RPTOR: variants seen among roughly 807,000 people sequenced by gnomAD.
RPTOR encodes regulatory-associated protein of mTOR.
In RPTOR, 21 loss-of-function variants were observed where a neutral mutation model predicts 169.9. That is an observed-to-expected ratio of 0.12 (90% confidence interval 0.09 to 0.18). RPTOR has a LOEUF of 0.18. Ranked by LOEUF, RPTOR falls within the 10% of genes least tolerant of loss-of-function variation. The pLI, the probability that RPTOR is intolerant of heterozygous loss-of-function variation, is 1.00. For missense variants in RPTOR, 1,133 were observed against 1,855.9 expected (o/e 0.61, Z 7.16); for synonymous variants, 732 against 753.2 (o/e 0.97, Z 0.46).
At chr17:80,751,900 C>T (rs574847735) in intron 5 of RPTOR, among the ~76,000 whole-genome samples, 2 of 152,326 alleles carry the variant, frequency 1.3e-5, no homozygotes, top group East Asian at 3.9e-4. Flanking sequence ...CATTCTGTAC[C>T]TTGTTGTTCC....
In RPTOR at chr17:80,964,342, G is replaced by T; in HGVS notation, c.*12G>T. 6.2e-7 allele frequency: 1 copy of T among 1,604,828 alleles called. No individual in the cohort carries two copies. The highest frequency in any genetic ancestry group is 1.1e-5 in the South Asian group (1 of 91,084). ...AGCGTGTCAGATAGCGGCGTGACCCGGGCCCACCAGGCCACGGCCGCCTGC... is the reference window on the plus strand; with the variant it reads ...AGCGTGTCAGATAGCGGCGTGACCCTGGCCCACCAGGCCACGGCCGCCTGC... On this transcript the variant is annotated 3_prime_UTR_variant, in exon 34 of 34. Coordinates refer to ENST00000306801, the MANE Select transcript of RPTOR (RefSeq NM_020761.3).
At chr17:80,620,772 C>G (rs764257353) in intron 1 of RPTOR, among the ~76,000 whole-genome samples, 2 of 152,260 alleles carry the variant, frequency 1.3e-5, no homozygotes, top group South Asian at 2.1e-4. Context: ...TTTCAAAAAA[C>G]AAAACAAAAA....
chr17:80,808,004 A>T (rs2672887), intron 7 of RPTOR, among the ~76,000 whole-genome samples: 72,803 of 151,880 alleles, frequency 0.48, 17,809 homozygotes, highest in African/African-American at 0.55. Context: ...CCTGCTAAAA[A>T]CTAATCTAAG....
chr17:80,859,224 C>T (rs893430563), intron 13 of RPTOR, among the ~76,000 whole-genome samples: 1 of 152,090 alleles, frequency 6.6e-6, no homozygotes, highest in African/African-American at 2.4e-5. Flanking sequence ...GCGAGACCCT[C>T]GAAGGAAAAT....
intron 6 of RPTOR, among the ~76,000 whole-genome samples, chr17:80,761,373 T>G (rs976590809): frequency 6.6e-6 from 1 of 152,220 alleles, no homozygotes; most frequent in Non-Finnish European, 1.5e-5. Flanking sequence ...CTTCCTTTCT[T>G]TCAATTAAGT....
At chr17:80,634,182 CGCATACTGTGT>C (rs2065465306) in intron 2 of RPTOR, among the ~76,000 whole-genome samples, 1 of 103,066 alleles carries the variant, frequency 9.7e-6, no homozygotes, top group Non-Finnish European at 1.8e-5. Flanking sequence ...TGTGTGTGTG[CGCATACTGTGT>C]GTGCATACTG....
intron 27 of RPTOR, among the ~76,000 whole-genome samples, chr17:80,948,390 G>A (rs1332406181): frequency 6.6e-6 from 1 of 152,278 alleles, no homozygotes; most frequent in Non-Finnish European, 1.5e-5. Context: ...CCCTGTAGCT[G>A]TCAGACGTGA....
chr17:80,901,211 C>T (rs1295688980), intron 20 of RPTOR, among the ~76,000 whole-genome samples: 2 of 152,040 alleles, frequency 1.3e-5, no homozygotes, highest in Non-Finnish European at 2.9e-5. Flanking sequence ...CGAAGAATCG[C>T]AGTTTCATTT....
chr17:80,734,796 T>A (rs113893977), intron 5 of RPTOR, among the ~76,000 whole-genome samples: 1 of 152,276 alleles, frequency 6.6e-6, no homozygotes, highest in Non-Finnish European at 1.5e-5. Flanking sequence ...TAACTGTGGC[T>A]CCAAGACATT....
chr17:80,919,155 T>A (rs1567986630), intron 21 of RPTOR, among the ~76,000 whole-genome samples: 1 of 152,228 alleles, frequency 6.6e-6, no homozygotes, highest in Non-Finnish European at 1.5e-5. Flanking sequence ...GTCACCACGT[T>A]GCTTTAATGG....
At chr17:80,961,029 C>T (rs1309090831) in intron 30 of RPTOR, 1 of 302,070 alleles carries the variant, frequency 3.3e-6, no homozygotes, top group Non-Finnish European at 6.2e-6. Flanking sequence ...ATCGGGGAGA[C>T]ACAATGAGGA....
chr17:80,940,902 G>A (rs750636512), intron 25 of RPTOR, among the ~76,000 whole-genome samples: 8 of 152,214 alleles, frequency 5.3e-5, no homozygotes, highest in Non-Finnish European at 1.0e-4. Flanking sequence ...CTCTGCAAGG[G>A]CAGCCCTCAG....
chr17:80,949,479 A>G lies in RPTOR; in HGVS notation c.3302A>G (p.Asp1101Gly), dbSNP rs1435329516. 1 of 1,613,994 alleles carries G rather than the reference A, an allele frequency of 6.2e-7. No homozygotes were observed. The highest frequency in any genetic ancestry group is 8.5e-7 in the Non-Finnish European group (1 of 1,180,010). ...ATCAGGGTCTGGAAGAATTTTGCTG[A>G]TTTGGAAAAGAACCCAGAGATGGTG... ...GAIRVWKNFA[D>G]LEKNPEMVTA... Residue 1101 changes from aspartate to glycine, a missense_variant, in exon 28 of 34, where the codon GAT becomes GGT. Coordinates refer to ENST00000306801, the MANE Select transcript of RPTOR (RefSeq NM_020761.3).
At chr17:80,596,035 C>A (rs898961253) in intron 1 of RPTOR, among the ~76,000 whole-genome samples, 6 of 152,168 alleles carry the variant, frequency 3.9e-5, no homozygotes, top group Non-Finnish European at 7.3e-5. Flanking sequence ...GGGAGATGAG[C>A]CGTCCTAGAT....
rs1221032561 is a variant in RPTOR at position 80,609,744 on chromosome 17, CAA to C, written c.163-15934_163-15933del. On this transcript the variant is annotated intron_variant, in intron 1 of 33. Transcript: ENST00000306801. This position sits in a 1 kb window ranked among gnomAD's most constrained non-coding sequence, Gnocchi z 4.8. ...TGGGCGACAGAGCGAGATTCTGTCT[CAA>C]AAAAAAAAAAAAGTTTAAGGTGTTG... 2.6e-5 allele frequency among the ~76,000 whole-genome samples: 3 copies of C among 116,496 alleles called. No individual in the cohort carries two copies. The highest frequency in any genetic ancestry group is 3.2e-5 in the African/African-American group (1 of 30,904). The allele number at this position is 116,496 out of a possible 152,430, so 76.4% of individuals were successfully genotyped here.
At chr17:80,886,323 G>A (rs1056724670) in intron 17 of RPTOR, among the ~76,000 whole-genome samples, 3 of 152,242 alleles carry the variant, frequency 2.0e-5, no homozygotes, top group African/African-American at 4.8e-5. Context: ...TCATGAGTAT[G>A]CTACATTTTC....
intron 3 of RPTOR, among the ~76,000 whole-genome samples, chr17:80,682,115 C>A (rs943550056): frequency 1.6e-5 from 1 of 62,892 alleles, no homozygotes; most frequent in Non-Finnish European, 3.3e-5. Flanking sequence ...GGTCCCCCCC[C>A]CCACCCCAAA....
At chr17:80,809,267 C>T (rs183768090) in intron 7 of RPTOR, among the ~76,000 whole-genome samples, 3 of 152,346 alleles carry the variant, frequency 2.0e-5, no homozygotes, top group African/African-American at 4.8e-5. Flanking sequence ...TCTCAGCTCA[C>T]TGCAACCTCC....
chr17:80,560,515 G>A (rs1454707830), intron 1 of RPTOR, among the ~76,000 whole-genome samples: 3 of 152,266 alleles, frequency 2.0e-5, no homozygotes, highest in East Asian at 3.9e-4. Flanking sequence ...TGGATGGGCC[G>A]GACGGAGAAA....
Sources: gnomAD v4.1 joint callset for allele counts (sites outside exome capture counted in the v4.1 genomes callset) on GRCh38, gnomAD v4.1.1 for gene constraint, Gnocchi (gnomAD v3.1) non-coding constraint, MANE v1.5 for transcripts, NCBI Gene and HGNC (gene_info 2026-07-23, HGNC 2026-07-21) for gene names.